DUSP15: variants seen among roughly 807,000 people sequenced by gnomAD.
DUSP15 encodes the protein dual specificity phosphatase 15, also known as dual specificity protein phosphatase 15.
In DUSP15, 23 loss-of-function variants were observed where a neutral mutation model predicts 26.3. The ratio of observed to expected loss-of-function variants is 0.87; its 90% CI spans 0.63 to 1.24. DUSP15 has a LOEUF of 1.24. DUSP15 is among the 50% of genes most tolerant of loss of function. The pLI is 0.00. For missense variants in DUSP15, 364 were observed against 320.6 expected (o/e 1.14, Z -1.03); for synonymous variants, 143 against 135.5 (o/e 1.06, Z -0.39).
intron 3 of DUSP15, among the ~76,000 whole-genome samples, chr20:31,865,709 C>T (rs189151029): frequency 6.6e-6 from 1 of 152,308 alleles, no homozygotes; most frequent in East Asian, 1.9e-4. Context: ...GAGATTCCAG[C>T]CCTTCTCTCA....
chr20:31,867,222 C>T (rs2062788066), intron 2 of DUSP15, 69 bp from the exon 3 acceptor site: 2 of 1,389,648 alleles, frequency 1.4e-6, no homozygotes, highest in South Asian at 1.2e-5. Flanking sequence ...GCGGAGGGAG[C>T]TCACTGCCTG....
At chr20:31,856,886 T>C (rs2062570151), downstream of DUSP15, among the ~76,000 whole-genome samples, 1 of 151,282 alleles carries the variant, frequency 6.6e-6, no homozygotes, top group African/African-American at 2.4e-5. Flanking sequence ...CTGGGAGGGG[T>C]TGCAGGGCAG....
Position 31,861,381 on chromosome 20 carries a change from G to A in DUSP15, c.*22C>T. ...CCGAAGGGAGCCAGTCGGAAGTGGGGAGCCACGGCTGGACTGCATCCTCAC... is the reference window on the plus strand; with the variant it reads ...CCGAAGGGAGCCAGTCGGAAGTGGGAAGCCACGGCTGGACTGCATCCTCAC... On this transcript the variant is annotated 3_prime_UTR_variant, in exon 7 of 7. Transcript: ENST00000339738. The A allele has an allele frequency of 2.0e-6, 3 of 1,521,218 alleles. No individual in the cohort carries two copies. Among genetic ancestry groups the A allele is most frequent in the South Asian group, 2.5e-5 (2 of 81,026 alleles). The allele number at this position is 1,521,218 out of a possible 1,614,324, so 94.2% of individuals were successfully genotyped here. A position where few individuals can be genotyped will look rare whatever the true frequency, so the allele number is the denominator to read the frequency against.
chr20:31,861,610 C>T lies in DUSP15; in HGVS notation c.501G>A (p.Ala167=). The stretch of plus-strand genomic sequence containing the variant: ...GGCAGCGCTTGCACAGCGGCAGCAG[C>T]GCGCGCAACTCCTCCTCGTCGCGGA... ...SPFRDEEELR[A]LLPLCKRCRQ... The change falls in exon 7 of 7, where the codon GCG becomes GCA. Residue 167 remains alanine, a synonymous_variant. Transcript: ENST00000339738. The T allele has an allele frequency of 6.7e-7, 1 of 1,487,582 alleles. No homozygotes were observed. The highest frequency in any genetic ancestry group is 8.9e-7 in the Non-Finnish European group (1 of 1,126,792). 92.1% of individuals were successfully genotyped at this position (1,487,582 alleles called of 1,614,324 possible). A position where few individuals can be genotyped will look rare whatever the true frequency, so the allele number is the denominator to read the frequency against.
chr20:31,866,309 T>C (rs1568695682), intron 3 of DUSP15, among the ~76,000 whole-genome samples: 1 of 152,200 alleles, frequency 6.6e-6, no homozygotes, highest in Non-Finnish European at 1.5e-5. Flanking sequence ...AAATTTGTTA[T>C]AGTATCAGTT....
downstream of DUSP15, chr20:31,861,012 G>A (rs1260063834): frequency 1.9e-6 from 2 of 1,033,438 alleles, no homozygotes; most frequent in Non-Finnish European, 2.3e-6. Context: ...CAGTCCTGCT[G>A]GCTCCTGGCA....
chr20:31,854,343 C>T (rs1365695879), intron 6 of DUSP15, among the ~76,000 whole-genome samples: 1 of 152,164 alleles, frequency 6.6e-6, no homozygotes, highest in Admixed American at 6.5e-5. Flanking sequence ...GGTGTCAATA[C>T]CACCTAACCT....
chr20:31,852,777 C>T (rs1039802826), intron 6 of DUSP15, among the ~76,000 whole-genome samples: 3 of 152,210 alleles, frequency 2.0e-5, no homozygotes, highest in Admixed American at 6.5e-5. Flanking sequence ...CGCCATTGCA[C>T]TCCAGCCTGG....
chr20:31,856,945 G>A (rs2062571268), downstream of DUSP15, among the ~76,000 whole-genome samples: 1 of 152,024 alleles, frequency 6.6e-6, no homozygotes, highest in African/African-American at 2.4e-5. Flanking sequence ...GGAGGAGGGA[G>A]GGCCTACAAG....
intron 6 of DUSP15, among the ~76,000 whole-genome samples, chr20:31,853,425 T>TA (rs1286939054): frequency 6.6e-5 from 10 of 152,022 alleles, no homozygotes; most frequent in Admixed American, 4.6e-4. Context: ...GAAAAAATGA[T>TA]AAAAAATTAA....
downstream of DUSP15, among the ~76,000 whole-genome samples, chr20:31,846,902 G>T (rs958958997): frequency 5.1e-4 from 78 of 152,184 alleles, no homozygotes; most frequent in Non-Finnish European, 8.8e-4. Context: ...TACACAGAAT[G>T]CAGCACCCTC....
At position 31,862,580 on chromosome 20, in the gene DUSP15, A is replaced by G; in HGVS notation, c.426T>C (p.Ser142=). Residue 142 remains serine (S), a synonymous_variant, in exon 6 of 7, where the codon AGT becomes AGC. Coordinates refer to ENST00000339738, the MANE Select transcript of DUSP15 (RefSeq NM_080611.5). ...TTGACCCCATCCCTACCTTCTGGGA[A>G]CTGGCCCAGCCAAACTCTTCAAGCT... ...RQQLEEFGWA[S]SQKLRRQLEE... is the part of the protein sequence containing the mutation. 6.2e-7 allele frequency: 1 copy of G among 1,609,716 alleles called. No individual in the cohort carries two copies. Among genetic ancestry groups the G allele is most frequent in the Non-Finnish European group, 8.5e-7 (1 of 1,177,054 alleles).
chr20:31,867,256 C>T, intron 2 of DUSP15, 103 bp from the exon 3 acceptor site: 3 of 1,027,208 alleles, frequency 2.9e-6, no homozygotes, highest in South Asian at 1.4e-5. Context: ...CTCACCCCAC[C>T]ACTCCACCTT....
intron 6 of DUSP15, among the ~76,000 whole-genome samples, chr20:31,853,097 CT>C (rs1271556453): frequency 6.6e-6 from 1 of 152,106 alleles, no homozygotes; most frequent in East Asian, 1.9e-4. Context: ...TTTCCCTTTC[CT>C]TTCCCTCCCT....
chr20:31,867,365 C>G (rs989387916), intron 2 of DUSP15, among the ~76,000 whole-genome samples: 1 of 152,216 alleles, frequency 6.6e-6, no homozygotes, highest in Non-Finnish European at 1.5e-5. Flanking sequence ...TTCTTTCCAT[C>G]CAAAACACCC....
chr20:31,861,734 G>GCCGGCC, intron 6 of DUSP15, 59 bp from the exon 7 acceptor site: 1 of 1,303,578 alleles, frequency 7.7e-7, no homozygotes, highest in East Asian at 3.2e-5. Flanking sequence ...GGTCAAGGCA[G>GCCGGCC]CCGGCCCCGC....
downstream of DUSP15, among the ~76,000 whole-genome samples, chr20:31,857,523 A>G (rs1467875803): frequency 6.6e-6 from 1 of 152,162 alleles, no homozygotes; most frequent in Non-Finnish European, 1.5e-5. Context: ...CCAACTCTTC[A>G]TGATGGCCTC....
downstream of DUSP15, among the ~76,000 whole-genome samples, chr20:31,856,396 G>A (rs1344518344): frequency 6.6e-6 from 1 of 152,032 alleles, no homozygotes; most frequent in Non-Finnish European, 1.5e-5. Context: ...GAGGGTCGAG[G>A]CTAGATTTGC....
At chr20:31,868,877 A>G (rs370524417) in intron 2 of DUSP15, among the ~76,000 whole-genome samples, 4 of 152,308 alleles carry the variant, frequency 2.6e-5, no homozygotes, top group East Asian at 1.9e-4. Flanking sequence ...AGAACAAGGT[A>G]TCTATACATG....
Sources: allele counts gnomAD v4.1 joint callset (sites outside exome capture counted in the v4.1 genomes callset), GRCh38; gene constraint gnomAD v4.1.1; transcripts MANE v1.5; gene names NCBI Gene and HGNC (gene_info 2026-07-23, HGNC 2026-07-21).